PPP2R3A: variants seen among roughly 807,000 people sequenced by gnomAD.
The protein encoded by PPP2R3A is protein phosphatase 2 regulatory subunit B''alpha, also known as serine/threonine-protein phosphatase 2A regulatory subunit B'' subunit alpha.
In PPP2R3A, 80 loss-of-function variants were observed where a neutral mutation model predicts 106.9. The observed-to-expected ratio is 0.75, with a 90% CI of 0.62 to 0.90. The LOEUF is 0.90. PPP2R3A is among the 40% of genes least tolerant of loss of function. PPP2R3A has a pLI of 0.00. For missense variants in PPP2R3A, 1,386 were observed against 1,350.4 expected (o/e 1.03, Z -0.41); for synonymous variants, 483 against 468.3 (o/e 1.03, Z -0.41).
At chr3:135,994,164 G>A (rs535221270) in intron 1 of PPP2R3A, among the ~76,000 whole-genome samples, 54 of 152,300 alleles carry the variant, frequency 3.5e-4, no homozygotes, top group African/African-American at 1.3e-3. Context: ...CAATTAGTGG[G>A]CTTCACTGTA....
chr3:135,985,573 C>T (rs796387651), intron 1 of PPP2R3A, among the ~76,000 whole-genome samples: 4 of 152,214 alleles, frequency 2.6e-5, no homozygotes, highest in African/African-American at 9.6e-5. Flanking sequence ...AGTCTTACAC[C>T]TAATGTATAA....
At chr3:136,120,779 C>G (rs1344249948) in intron 13 of PPP2R3A, among the ~76,000 whole-genome samples, 1 of 152,032 alleles carries the variant, frequency 6.6e-6, no homozygotes, top group Non-Finnish European at 1.5e-5. Flanking sequence ...CATGAACAGA[C>G]ACTTCTCAAA....
intron 13 of PPP2R3A, among the ~76,000 whole-genome samples, chr3:136,116,770 T>C (rs1481068144): frequency 1.3e-5 from 2 of 152,174 alleles, no homozygotes. Context: ...CAAAGAGACT[T>C]AGACTCCCAC....
intron 1 of PPP2R3A, among the ~76,000 whole-genome samples, chr3:135,973,426 T>C (rs1365072404): frequency 6.6e-6 from 1 of 152,166 alleles, no homozygotes; most frequent in Non-Finnish European, 1.5e-5. Flanking sequence ...TCCCTCTTAG[T>C]GCATAGTGAA....
chr3:136,145,234 C>G lies in PPP2R3A; in HGVS notation c.*68C>G, dbSNP rs1939071924. ...TTTCTTTCTTGTGAAGAGATGTTCT[C>G]GTTTGCATACTGCTTTTTAAAGACT... On this transcript the variant is annotated 3_prime_UTR_variant, in exon 14 of 14. Transcript: ENST00000264977. The G allele has an allele frequency of 1.3e-6, 2 of 1,517,394 alleles. No individual in the cohort carries two copies. The allele number at this position is 1,517,394 out of a possible 1,614,324, so 94.0% of individuals were successfully genotyped here.
rs753823374 is a variant in PPP2R3A, at chr3:136,001,589, T to C, written c.91T>C (p.Cys31Arg). Residue 31 changes from cysteine to arginine, a missense_variant, in exon 2 of 14, where the codon TGC (cysteine) becomes CGC (arginine). By Grantham distance (180) the Cys-to-Arg change is radical. Transcript: ENST00000264977. ...DRRFEQAIHY[C>R]TGTCHTFTHG... ...GCGTTTTGAACAAGCTATACATTAT[T>C]GCACTGGAACCTGCCACACCTTCAC... The C allele has an allele frequency of 5.6e-6, 9 of 1,614,144 alleles. No homozygotes were observed. The South Asian group carries it at 9.9e-5, about 18-fold the overall frequency.
chr3:136,055,553 T>C lies in PPP2R3A; in HGVS notation c.2469+6192T>C, dbSNP rs1935832597. On this transcript the variant is annotated intron_variant, in intron 5 of 13. Transcript: ENST00000264977. ...TCTCTGCATTCACTGACCATGCTGC[T>C]CAAATCTTCACAGAGCGGGTCTTTC... 9 of 1,369,942 alleles carry C rather than the reference T, an allele frequency of 6.6e-6. No homozygotes were observed. The East Asian group carries it at 1.8e-4, about 28-fold the overall frequency. 84.9% of individuals were successfully genotyped at this position (1,369,942 alleles called of 1,614,324 possible).
At chr3:136,113,050 T>C (rs762067695) in intron 13 of PPP2R3A, among the ~76,000 whole-genome samples, 4 of 151,960 alleles carry the variant, frequency 2.6e-5, no homozygotes, top group Admixed American at 6.6e-5. Flanking sequence ...GGAAAATCGC[T>C]TGAGCCCAGG....
intron 1 of PPP2R3A, among the ~76,000 whole-genome samples, chr3:135,977,904 T>G (rs999395419): frequency 6.6e-6 from 1 of 152,036 alleles, no homozygotes; most frequent in Non-Finnish European, 1.5e-5. Flanking sequence ...TTCACCATGT[T>G]GCCCAGGCTG....
rs559053177 is a variant in PPP2R3A, at chr3:136,146,671, T to G, written c.*1505T>G. 1.3e-5 allele frequency: 2 copies of G among 152,310 alleles called. No individual in the cohort carries two copies. Among genetic ancestry groups the G allele is most frequent in the East Asian group, 3.9e-4 (2 of 5,186 alleles). 9.4% of individuals were successfully genotyped at this position (152,310 alleles called of 1,614,324 possible). On this transcript the variant is annotated 3_prime_UTR_variant, in exon 14 of 14. Transcript: ENST00000264977. ...TTTAACTATTACAGAAAGCAGTAAC[T>G]ATTGCAACTATCTAATAGTTCACAC...
chr3:136,133,599 T>C (rs78825240), intron 13 of PPP2R3A, among the ~76,000 whole-genome samples: 5,020 of 152,028 alleles, frequency 0.033, 300 homozygotes, highest in African/African-American at 0.11. Context: ...GGCTTATGAA[T>C]CAATAATCTC....
intron 4 of PPP2R3A, among the ~76,000 whole-genome samples, chr3:136,041,268 T>TG (rs1935275779): frequency 7.5e-6 from 1 of 132,556 alleles, no homozygotes; most frequent in Non-Finnish European, 1.6e-5. Flanking sequence ...TTTTGTTTTT[T>TG]TTTTTTTGAG....
rs140068096 is a variant in PPP2R3A, at chr3:136,091,431, C to T, written c.2927+764C>T. Among the ~76,000 whole-genome samples the T allele has an allele frequency of 2.6e-5, 4 of 152,206 alleles. No homozygotes were observed. The East Asian group carries it at 7.7e-4, about 29-fold the overall frequency. On this transcript the variant is annotated intron_variant, in intron 10 of 13. Transcript: ENST00000264977. ...TGGAGTTTGAAATCAGCCTGGGAAA[C>T]ATAACGAGACTCCATCTCTACAGAT...
intron 8 of PPP2R3A, among the ~76,000 whole-genome samples, chr3:136,085,216 C>T (rs1936892924): frequency 2.6e-5 from 4 of 151,970 alleles, no homozygotes; most frequent in African/African-American, 7.3e-5. Flanking sequence ...GTCATGGGGG[C>T]GGGTCTTTCC....
chr3:136,057,121 G>T (rs1935895298), intron 5 of PPP2R3A, among the ~76,000 whole-genome samples: 1 of 151,966 alleles, frequency 6.6e-6, no homozygotes, highest in Non-Finnish European at 1.5e-5. Context: ...AGCTACTATG[G>T]AGAATAGCTG....
At chr3:136,008,054 T>C (rs1933908496) in intron 2 of PPP2R3A, among the ~76,000 whole-genome samples, 1 of 152,228 alleles carries the variant, frequency 6.6e-6, no homozygotes, top group Non-Finnish European at 1.5e-5. Context: ...ATTGTTTAGA[T>C]AGTATAGTGT....
chr3:136,139,227 A>G (rs1414661508), intron 13 of PPP2R3A, among the ~76,000 whole-genome samples: 1 of 152,026 alleles, frequency 6.6e-6, no homozygotes, highest in African/African-American at 2.4e-5. Flanking sequence ...GCTCATTCCA[A>G]CTTTTATATT....
At chr3:136,131,345 A>T (rs1449091244) in intron 13 of PPP2R3A, among the ~76,000 whole-genome samples, 1 of 152,182 alleles carries the variant, frequency 6.6e-6, no homozygotes, top group Non-Finnish European at 1.5e-5. Context: ...ATCAAAAAGT[A>T]GGCAAAGGAT....
At chr3:135,995,934 C>T (rs989955985) in intron 1 of PPP2R3A, among the ~76,000 whole-genome samples, 1 of 152,146 alleles carries the variant, frequency 6.6e-6, no homozygotes, top group Non-Finnish European at 1.5e-5. Flanking sequence ...TCTTTCTCTG[C>T]CATCCAGAGT....
Sources: gnomAD v4.1 joint callset for allele counts (sites outside exome capture counted in the v4.1 genomes callset) on GRCh38, gnomAD v4.1.1 for gene constraint, MANE v1.5 for transcripts, NCBI Gene and HGNC (gene_info 2026-07-23, HGNC 2026-07-21) for gene names.